GRM8: variants seen among roughly 807,000 people sequenced by gnomAD.
The protein encoded by GRM8 is metabotropic glutamate receptor 8.
In GRM8, 47 loss-of-function variants were observed where a neutral mutation model predicts 87.2. The ratio of observed to expected loss-of-function variants is 0.54; its 90% CI spans 0.43 to 0.69. GRM8 has a LOEUF of 0.69. GRM8 is among the 30% of genes least tolerant of loss of function. The pLI is 0.00. For missense variants in GRM8, 1,019 were observed against 1,139.2 expected (o/e 0.89, Z 1.52); for synonymous variants, 396 against 404.5 (o/e 0.98, Z 0.25).
chr7:126,924,656 C>A (rs1419311623), intron 3 of GRM8, among the ~76,000 whole-genome samples: 1 of 151,940 alleles, frequency 6.6e-6, no homozygotes. Flanking sequence ...TTCTCTCTCT[C>A]TTTATAGAAA....
chr7:127,152,707 TA>T (rs1563545441), intron 2 of GRM8, among the ~76,000 whole-genome samples: 1 of 152,252 alleles, frequency 6.6e-6, no homozygotes, highest in East Asian at 1.9e-4. Flanking sequence ...GTGTAGGTAT[TA>T]TGATACAGAG....
chr7:126,911,025 A>G (rs1361976), intron 3 of GRM8, among the ~76,000 whole-genome samples: 28,180 of 152,090 alleles, frequency 0.19, 2,835 homozygotes, highest in East Asian at 0.28. Flanking sequence ...TCCTATGCCA[A>G]TGTAGCATAT....
At chr7:127,007,745 T>TTAAACTGATACACA in intron 3 of GRM8, among the ~76,000 whole-genome samples, 1 of 152,188 alleles carries the variant, frequency 6.6e-6, no homozygotes, top group Non-Finnish European at 1.5e-5. Context: ...TCTCCTTAAC[T>TTAAACTGATACACA]TAAACTGATA....
At chr7:126,680,426 G>A (rs1195041636) in intron 7 of GRM8, among the ~76,000 whole-genome samples, 1 of 152,152 alleles carries the variant, frequency 6.6e-6, no homozygotes, top group Non-Finnish European at 1.5e-5. Context: ...TATCTTTAAT[G>A]CCCTTTATGC....
chr7:127,154,318 C>T (rs1318826604), intron 2 of GRM8, among the ~76,000 whole-genome samples: 1 of 152,238 alleles, frequency 6.6e-6, no homozygotes, highest in East Asian at 1.9e-4. Context: ...TCCATTCCTG[C>T]ACCTTATGCT....
intron 6 of GRM8, among the ~76,000 whole-genome samples, chr7:126,858,473 G>A (rs1223526176): frequency 6.6e-6 from 1 of 152,108 alleles, no homozygotes; most frequent in African/African-American, 2.4e-5. Flanking sequence ...ACTGGCTTCT[G>A]TTAAATAAAA....
At chr7:126,836,225 A>G (rs537679556) in intron 6 of GRM8, among the ~76,000 whole-genome samples, 1 of 152,324 alleles carries the variant, frequency 6.6e-6, no homozygotes, top group East Asian at 1.9e-4. Flanking sequence ...TGCAAGACTC[A>G]TCAGTTATGG....
chr7:126,674,597 A>G (rs1317832607), intron 7 of GRM8, among the ~76,000 whole-genome samples: 1 of 152,180 alleles, frequency 6.6e-6, no homozygotes, highest in Non-Finnish European at 1.5e-5. Context: ...TATAAAAATA[A>G]AAAATAACTA....
At chr7:126,835,447 A>G (rs1181610529) in intron 6 of GRM8, among the ~76,000 whole-genome samples, 7 of 152,234 alleles carry the variant, frequency 4.6e-5, no homozygotes, top group African/African-American at 1.2e-4. Flanking sequence ...GATGGGACTC[A>G]GGAAATATAA....
chr7:126,900,793 C>T (rs115940391), intron 6 of GRM8, among the ~76,000 whole-genome samples: 3,257 of 152,212 alleles, frequency 0.021, 114 homozygotes, highest in African/African-American at 0.074. Context: ...TACAGGTTTG[C>T]ACCACCGTGC....
intron 6 of GRM8, among the ~76,000 whole-genome samples, chr7:126,902,011 CA>C (rs35423877): frequency 0.19 from 28,487 of 151,676 alleles, 2,930 homozygotes; most frequent in East Asian, 0.28. Context: ...ATCATATATT[CA>C]AAAATGCATA....
chr7:127,164,353 C>T (rs767963314), intron 2 of GRM8, among the ~76,000 whole-genome samples: 25 of 152,142 alleles, frequency 1.6e-4, no homozygotes, highest in Middle Eastern at 3.4e-3. Context: ...AGTGCAAGAA[C>T]GACTAATACA....
intron 2 of GRM8, among the ~76,000 whole-genome samples, chr7:127,238,934 T>G (rs989526821): frequency 6.6e-6 from 1 of 152,110 alleles, no homozygotes; most frequent in African/African-American, 2.4e-5. Flanking sequence ...AATTCCACAA[T>G]TAGTGATCCT....
At chr7:127,166,678 T>C (rs10954145) in intron 2 of GRM8, among the ~76,000 whole-genome samples, 32,351 of 152,078 alleles carry the variant, frequency 0.21, 3,686 homozygotes, top group Middle Eastern at 0.31. Flanking sequence ...GTTGCTTTCT[T>C]ATAACAAAAA....
At chr7:126,526,272 GTA>G (rs1191827589) in intron 9 of GRM8, among the ~76,000 whole-genome samples, 1 of 152,158 alleles carries the variant, frequency 6.6e-6, no homozygotes, top group Non-Finnish European at 1.5e-5. Flanking sequence ...TTAGGTTTGT[GTA>G]TATGATATTC....
At chr7:126,940,851 A>G (rs1278607482) in intron 3 of GRM8, among the ~76,000 whole-genome samples, 1 of 152,138 alleles carries the variant, frequency 6.6e-6, no homozygotes, top group Non-Finnish European at 1.5e-5. Context: ...CCCGGCTAAG[A>G]GCCCAGCCTG....
At chr7:127,187,374 T>C (rs972368821) in intron 2 of GRM8, among the ~76,000 whole-genome samples, 1 of 152,002 alleles carries the variant, frequency 6.6e-6, no homozygotes, top group Non-Finnish European at 1.5e-5. Flanking sequence ...GAGGATTTAC[T>C]TTTTTAAAGA....
chr7:127,178,113 T>C (rs1297165570), intron 2 of GRM8, among the ~76,000 whole-genome samples: 1 of 151,902 alleles, frequency 6.6e-6, no homozygotes, highest in Non-Finnish European at 1.5e-5. Flanking sequence ...ATGCAAGAAC[T>C]GAAGGGAAAA....
chr7:126,602,850 A>G (rs1307905048), intron 8 of GRM8, among the ~76,000 whole-genome samples: 2 of 138,088 alleles, frequency 1.4e-5, no homozygotes, highest in Non-Finnish European at 3.2e-5. Flanking sequence ...ATTCCAATCA[A>G]TAGAAAAAGA....
Sources: allele counts gnomAD v4.1 joint callset (sites outside exome capture counted in the v4.1 genomes callset), GRCh38; gene constraint gnomAD v4.1.1; transcripts MANE v1.5; gene names NCBI Gene and HGNC (gene_info 2026-07-23, HGNC 2026-07-21).